Variants in OSTF1 observed in about 807,000 individuals in gnomAD.
OSTF1 encodes the protein osteoclast-stimulating factor 1.
OSTF1 carries 27 observed loss-of-function variants against 37.2 expected under a neutral mutation model. The ratio of observed to expected loss-of-function variants is 0.73; its 90% confidence interval spans 0.54 to 1.00. OSTF1 has a LOEUF of 1.00. Ranked by LOEUF, OSTF1 falls within the 50% of genes least tolerant of loss-of-function variation. OSTF1 has a pLI of 0.00. For synonymous variants in OSTF1, 82 were observed against 89.2 expected (o/e 0.92, Z 0.46); for missense variants, 232 against 253.8 (o/e 0.91, Z 0.58).
chr9:75,098,032 A>AT (rs1355357705), intron 1 of OSTF1, among the ~76,000 whole-genome samples: 1 of 151,772 alleles, frequency 6.6e-6, no homozygotes, highest in Non-Finnish European at 1.5e-5. Context: ...TAATTTTTGT[A>AT]TTTTTTGTAG....
At chr9:75,141,312 C>CAAAAAAAAAAAAA (rs529293090) in intron 9 of OSTF1, among the ~76,000 whole-genome samples, 88 of 71,682 alleles carry the variant, frequency 1.2e-3, no homozygotes, top group East Asian at 2.7e-3. Context: ...AAAAGAAAAC[C>CAAAAAAAAAAAAA]AAAAAAAAAA....
chr9:75,115,977 G>A (rs1157954416), intron 1 of OSTF1, among the ~76,000 whole-genome samples: 2 of 152,138 alleles, frequency 1.3e-5, no homozygotes, highest in East Asian at 3.9e-4. Context: ...GGTGGCAGGT[G>A]CCCGTAGTCC....
chr9:75,102,791 CT>C (rs1479111147), intron 1 of OSTF1, among the ~76,000 whole-genome samples: 1 of 152,184 alleles, frequency 6.6e-6, no homozygotes, highest in Non-Finnish European at 1.5e-5. Context: ...TGAATAACTA[CT>C]TTTATCTCCA....
chr9:75,115,637 CT>C (rs35325210), intron 1 of OSTF1, among the ~76,000 whole-genome samples: 37,452 of 137,662 alleles, frequency 0.27, 5,562 homozygotes, highest in Middle Eastern at 0.41. Context: ...AGGACCCCCC[CT>C]TTTTTTGTTT....
At position 75,126,138 on chromosome 9, in the gene OSTF1, C is replaced by T. The variant is rs372035545; in HGVS notation, c.82-1431C>T. On this transcript the variant is annotated intron_variant, in intron 2 of 9. Coordinates refer to ENST00000346234, the MANE Select transcript of OSTF1 (RefSeq NM_012383.5). ...CCATGTTGGCCAGGCTGGTCTCGAA[C>T]GCCTGTCCTCAAGTGATCTGCCCGC... Among the ~76,000 whole-genome samples the T allele has an allele frequency of 2.6e-5, 4 of 152,272 alleles. No individual in the cohort carries two copies. The South Asian group carries it at 6.2e-4, about 24-fold the overall frequency.
intron 1 of OSTF1, among the ~76,000 whole-genome samples, chr9:75,099,363 C>T (rs1302657187): frequency 4.6e-5 from 7 of 151,984 alleles, no homozygotes; most frequent in South Asian, 2.1e-4. Context: ...GTGACCCTCC[C>T]GCCTCAGCTT....
intron 8 of OSTF1, among the ~76,000 whole-genome samples, chr9:75,140,332 T>C (rs963310052): frequency 6.6e-6 from 1 of 152,248 alleles, no homozygotes; most frequent in Non-Finnish European, 1.5e-5. Flanking sequence ...TGAATTCTGA[T>C]GTAATTTTGA....
intron 1 of OSTF1, among the ~76,000 whole-genome samples, chr9:75,109,486 C>A (rs1010526037): frequency 1.3e-5 from 2 of 152,188 alleles, no homozygotes; most frequent in Non-Finnish European, 2.9e-5. Context: ...GACAAAATTT[C>A]ACAAAACTGT....
At chr9:75,114,140 GA>G (rs1326458322) in intron 1 of OSTF1, among the ~76,000 whole-genome samples, 4 of 151,100 alleles carry the variant, frequency 2.6e-5, no homozygotes, top group African/African-American at 9.9e-5. Flanking sequence ...TTTTAAGACT[GA>G]ATAGTATTCT....
At chr9:75,122,157 A>G (rs1203007807) in intron 2 of OSTF1, among the ~76,000 whole-genome samples, 1 of 152,190 alleles carries the variant, frequency 6.6e-6, no homozygotes, top group African/African-American at 2.4e-5. Flanking sequence ...CAGACTGATG[A>G]GGAGGGAACA....
chr9:75,146,222 G>C (rs34998136), intron 9 of OSTF1, among the ~76,000 whole-genome samples: 38,688 of 152,038 alleles, frequency 0.25, 5,236 homozygotes, highest in East Asian at 0.41. Flanking sequence ...TTTATTGTCG[G>C]TGTTTTCTAC....
chr9:75,123,124 T>C (rs1052583386), intron 2 of OSTF1, among the ~76,000 whole-genome samples: 1 of 152,126 alleles, frequency 6.6e-6, no homozygotes, highest in Non-Finnish European at 1.5e-5. Flanking sequence ...AGGAATGTAG[T>C]TAAAAAACAA....
At chr9:75,100,794 G>A (rs559544036) in intron 1 of OSTF1, among the ~76,000 whole-genome samples, 1 of 151,814 alleles carries the variant, frequency 6.6e-6, no homozygotes, top group Non-Finnish European at 1.5e-5. Flanking sequence ...CCGGGGCCTT[G>A]GCGTGGCTGA....
intron 1 of OSTF1, among the ~76,000 whole-genome samples, chr9:75,090,679 A>G (rs1402066045): frequency 6.6e-6 from 1 of 152,054 alleles, no homozygotes; most frequent in Non-Finnish European, 1.5e-5. Flanking sequence ...TTGAAGAAAA[A>G]AAAAAAGCGA....
chr9:75,088,833 T>A, intron 1 of OSTF1, 107 bp downstream of exon 1: 1 of 1,143,582 alleles, frequency 8.7e-7, no homozygotes, highest in Non-Finnish European at 1.3e-6. Context: ...GCCCCGAGCC[T>A]GGCTTCCGAG....
intron 2 of OSTF1, among the ~76,000 whole-genome samples, chr9:75,126,334 C>T (rs1332446844): frequency 6.6e-6 from 1 of 152,208 alleles, no homozygotes; most frequent in African/African-American, 2.4e-5. Context: ...GAAAGCAACA[C>T]ATGCTCATGA....
At chr9:75,124,275 A>G (rs979797958) in intron 2 of OSTF1, among the ~76,000 whole-genome samples, 5 of 152,198 alleles carry the variant, frequency 3.3e-5, no homozygotes, top group Non-Finnish European at 7.3e-5. Flanking sequence ...TTGTGTTACA[A>G]ACAATCCAAT....
chr9:75,119,876 A>G (rs904675360), intron 2 of OSTF1, among the ~76,000 whole-genome samples: 25 of 152,254 alleles, frequency 1.6e-4, no homozygotes, highest in African/African-American at 6.0e-4. Context: ...AGGCAGGAGA[A>G]TCACTTGAAC....
At chr9:75,138,575 G>A (rs191491633) in intron 8 of OSTF1, among the ~76,000 whole-genome samples, 34 of 152,174 alleles carry the variant, frequency 2.2e-4, no homozygotes, top group Non-Finnish European at 4.4e-4. Flanking sequence ...TTTTCATGTT[G>A]GTTATGTGTT....
Sources: allele counts gnomAD v4.1 joint callset (sites outside exome capture counted in the v4.1 genomes callset), GRCh38; gene constraint gnomAD v4.1.1; transcripts MANE v1.5; gene names NCBI Gene and HGNC (gene_info 2026-07-23, HGNC 2026-07-21).